The following SYT6 variants were observed in gnomAD, a reference collection of about 807,000 sequenced individuals.
SYT6 encodes the protein synaptotagmin-6.
In SYT6, 24 loss-of-function variants were observed where a neutral mutation model predicts 38.4. That is an observed-to-expected ratio of 0.62 (90% confidence interval 0.45 to 0.88). The LOEUF (loss-of-function observed/expected upper bound fraction) is 0.88, where lower values mean the gene tolerates loss of function less well. Among genes scored for constraint, SYT6 ranks in the 40% least tolerant of loss-of-function variants. SYT6 has a pLI of 0.00. For missense variants in SYT6, 611 were observed against 621.0 expected, an observed-to-expected ratio of 0.98 and a Z score of 0.17; for synonymous variants, 265 against 241.9, an observed-to-expected ratio of 1.10 and a Z score of -0.89.
In SYT6 at chr1:114,137,614, C is replaced by T. The variant is rs779569231; in HGVS notation, c.952G>A (p.Asp318Asn). Reference protein sequence around the residue: ...ADRKLHLSVFDFDRFSRHDMI... With the variant: ...ADRKLHLSVFNFDRFSRHDMI... Reference sequence around the variant, plus strand: ...TCATGGCGGGAGAAGCGGTCAAAGTCGAAGACACTGAGATGCAGCTTGCGG... The same window carrying T: ...TCATGGCGGGAGAAGCGGTCAAAGTTGAAGACACTGAGATGCAGCTTGCGG... The change falls in exon 3 of 8, where the codon GAC becomes AAC. Residue 318 changes from aspartate to asparagine, a missense_variant. By Grantham distance (23) the Asp-to-Asn change is conservative. Transcript: ENST00000610222. The T allele has an allele frequency of 1.4e-5, 23 of 1,614,186 alleles. No homozygotes were observed. Among genetic ancestry groups the T allele is most frequent in the African/African-American group, 8.0e-5 (6 of 75,038 alleles).
intron 1 of SYT6, among the ~76,000 whole-genome samples, chr1:114,144,091 C>A (rs907126101): frequency 6.6e-6 from 1 of 152,288 alleles, no homozygotes; most frequent in East Asian, 1.9e-4. Flanking sequence ...ATGATTGAAA[C>A]GTTAAGAAAT....
chr1:114,143,529 T>TACATATAAGTTATATC (rs1553185059), intron 1 of SYT6, among the ~76,000 whole-genome samples: 1 of 147,446 alleles, frequency 6.8e-6, no homozygotes, highest in African/African-American at 2.5e-5. Context: ...TGTGTATATA[T>TACATATAAGTTATATC]ACATATAAGT....
chr1:114,100,341 C>A (rs1380929719), intron 4 of SYT6, among the ~76,000 whole-genome samples: 1 of 152,306 alleles, frequency 6.6e-6, no homozygotes, highest in South Asian at 2.1e-4. Flanking sequence ...GCCAGCCAAG[C>A]AGCTGCTCCC....
chr1:114,139,599 G>A lies in SYT6; in HGVS notation c.512+16C>T. The stretch of plus-strand genomic sequence containing the variant: ...GGAGGTGTGGGGGTCAGGGAAGGGA[G>A]TGGTCCACTCCTCACCTGGTGGATG... On this transcript the variant is annotated intron_variant, in intron 2 of 7. Coordinates refer to ENST00000610222, the MANE Select transcript of SYT6 (RefSeq NM_001253772.2). The A allele has an allele frequency of 6.2e-7, 1 of 1,613,856 alleles. No individual in the cohort carries two copies. Among genetic ancestry groups the A allele is most frequent in the South Asian group, 1.1e-5 (1 of 91,024 alleles).
At chr1:114,114,271 C>G (rs564075219) in intron 3 of SYT6, among the ~76,000 whole-genome samples, 224 of 152,322 alleles carry the variant, frequency 1.5e-3, no homozygotes, top group Non-Finnish European at 2.5e-3. Context: ...CATTCTGCCC[C>G]CTGGGTACTT....
At chr1:114,122,506 T>TGTGCGTGTGCGCGC (rs60780339) in intron 3 of SYT6, among the ~76,000 whole-genome samples, 4 of 147,288 alleles carry the variant, frequency 2.7e-5, no homozygotes, top group Admixed American at 1.3e-4. Flanking sequence ...TGTGTGTGTG[T>TGTGCGTGTGCGCGC]GCGCGCACAT....
At position 114,137,576 on chromosome 1, in the gene SYT6, C is replaced by T. The variant is rs761034125; in HGVS notation, c.990G>A (p.Glu330=). Residue 330 remains glutamate, a synonymous_variant, in exon 3 of 8, where the codon GAG becomes GAA. Coordinates refer to ENST00000610222, the MANE Select transcript of SYT6 (RefSeq NM_001253772.2). ...CCTCAAAGAGGTTGTCCAGGATGAC[C>T]TCGCCAATCATGTCATGGCGGGAGA... ...DRFSRHDMIG[E]VILDNLFEAS... is the part of the protein sequence containing the mutation. The T allele has an allele frequency of 5.6e-6, 9 of 1,614,098 alleles. No homozygotes were observed. In the South Asian group the frequency reaches 7.7e-5, roughly 14 times the overall value.
chr1:114,134,694 G>A (rs938630857), intron 3 of SYT6, among the ~76,000 whole-genome samples: 1 of 152,202 alleles, frequency 6.6e-6, no homozygotes, highest in African/African-American at 2.4e-5. Flanking sequence ...AACCTTGTTG[G>A]CAAAGGCAAG....
intron 3 of SYT6, among the ~76,000 whole-genome samples, chr1:114,124,347 C>G (rs185884913): frequency 2.0e-5 from 3 of 152,170 alleles, no homozygotes; most frequent in Admixed American, 2.0e-4. Context: ...AAGATGGGGC[C>G]GGAACTGAGC....
chr1:114,138,956 G>A (rs2774304), intron 2 of SYT6, among the ~76,000 whole-genome samples: 133,228 of 152,248 alleles, frequency 0.88, 58,600 homozygotes, highest in African/African-American at 0.97. Context: ...CTGGAGAGCC[G>A]TTGCAGGGAC....
In SYT6 at chr1:114,139,969, C is replaced by T. The variant is rs772596969; in HGVS notation, c.164-6G>A. ...GAGGAGGCTGACAGAGGTGCCTGCC[C>T]TCGGCATGAGCCAGGCAGGGAGGGA... On this transcript the variant is annotated splice_region_variant and splice_polypyrimidine_tract_variant and intron_variant, in intron 1 of 7. Transcript: ENST00000610222. 6.7e-7 allele frequency: 1 copy of T among 1,481,998 alleles called. No individual in the cohort carries two copies. Among genetic ancestry groups the T allele is most frequent in the Non-Finnish European group, 9.0e-7 (1 of 1,114,100 alleles). The allele number at this position is 1,481,998 out of a possible 1,614,324, so 91.8% of individuals were successfully genotyped here.
At chr1:114,150,835 C>T (rs1679406877) in intron 1 of SYT6, among the ~76,000 whole-genome samples, 2 of 152,114 alleles carry the variant, frequency 1.3e-5, no homozygotes, top group East Asian at 3.9e-4. Flanking sequence ...ACAGGTGTTT[C>T]CAAGTCAGGG....
chr1:114,130,877 C>T (rs947553749), intron 3 of SYT6, among the ~76,000 whole-genome samples: 4 of 152,218 alleles, frequency 2.6e-5, no homozygotes, highest in African/African-American at 9.7e-5. Flanking sequence ...TTGTCTCAAA[C>T]TGCTAGTCAA....
intron 3 of SYT6, among the ~76,000 whole-genome samples, chr1:114,122,506 T>TGTGTGTGTGTGTGTGTGTGCGCGC (rs60780339): frequency 5.2e-4 from 76 of 147,402 alleles, no homozygotes; most frequent in South Asian, 2.2e-3. Context: ...TGTGTGTGTG[T>TGTGTGTGTGTGTGTGTGTGCGCGC]GCGCGCACAT....
chr1:114,108,045 G>A (rs1472779558), intron 3 of SYT6, among the ~76,000 whole-genome samples: 3 of 152,218 alleles, frequency 2.0e-5, no homozygotes, highest in East Asian at 1.9e-4. Flanking sequence ...GGAGCTGATA[G>A]GGTAGATCTG....
At chr1:114,107,707 A>ACT (rs1174002900) in intron 3 of SYT6, among the ~76,000 whole-genome samples, 1 of 151,832 alleles carries the variant, frequency 6.6e-6, no homozygotes, top group Non-Finnish European at 1.5e-5. Context: ...CCTGGTAGTC[A>ACT]CTCTCTCTCT....
intron 3 of SYT6, among the ~76,000 whole-genome samples, chr1:114,117,623 G>A (rs1677078206): frequency 6.6e-6 from 1 of 152,190 alleles, no homozygotes; most frequent in Non-Finnish European, 1.5e-5. Context: ...CCCAGCCCTG[G>A]GCTTCCCTAC....
At chr1:114,123,743 A>G (rs1677555834) in intron 3 of SYT6, among the ~76,000 whole-genome samples, 1 of 152,300 alleles carries the variant, frequency 6.6e-6, no homozygotes, top group Non-Finnish European at 1.5e-5. Context: ...GAGCCTGGTA[A>G]TATAAAAAAG....
At chr1:114,139,988 G>A (rs759642948) in intron 1 of SYT6, 25 bp from the exon 2 acceptor site, 1 of 1,411,700 alleles carries the variant, frequency 7.1e-7, no homozygotes, top group South Asian at 1.4e-5. Context: ...AGCCAGGCAG[G>A]GAGGGACAGA....
Sources: gnomAD v4.1 joint callset for allele counts (sites outside exome capture counted in the v4.1 genomes callset) on GRCh38, gnomAD v4.1.1 for gene constraint, MANE v1.5 for transcripts, NCBI Gene and HGNC (gene_info 2026-07-23, HGNC 2026-07-21) for gene names.